Variants in LRP1 observed in about 807,000 individuals in gnomAD.
LRP1 encodes the protein prolow-density lipoprotein receptor-related protein 1.
In LRP1, 51 loss-of-function variants were observed where a neutral mutation model predicts 541.5. The observed-to-expected ratio is 0.09, with a 90% CI of 0.08 to 0.12. The LOEUF (loss-of-function observed/expected upper bound fraction) is 0.12, where lower values mean the gene tolerates loss of function less well. LRP1 is among the 10% of genes least tolerant of loss of function. The pLI, the probability that LRP1 is intolerant of heterozygous loss-of-function variation, is 1.00. For synonymous variants in LRP1, 2,219 were observed against 2,470.8 expected (o/e 0.90, Z 3.02); for missense variants, 3,878 against 6,376.2 (o/e 0.61, Z 13.34).
chr12:57,204,887 G>C lies in LRP1; in HGVS notation c.11194+138G>C. The C allele has an allele frequency of 7.1e-7, 1 of 1,414,994 alleles. No homozygotes were observed. Among genetic ancestry groups the C allele is most frequent in the Non-Finnish European group, 9.5e-7 (1 of 1,050,310 alleles). 87.7% of individuals were successfully genotyped at this position (1,414,994 alleles called of 1,614,324 possible). On this transcript the variant is annotated intron_variant, in intron 72 of 88. Coordinates refer to ENST00000243077, the MANE Select transcript of LRP1 (RefSeq NM_002332.3). The surrounding 1 kb of genome is among the most constrained non-coding windows in gnomAD (Gnocchi z 5.3). Reference sequence around the variant, plus strand: ...GGAAGGGGAGGATCCATTGCTAGGAGCCTGGGGGCTTTTCGTTAGGAAAGA... The same window carrying C: ...GGAAGGGGAGGATCCATTGCTAGGACCCTGGGGGCTTTTCGTTAGGAAAGA...
In LRP1 at chr12:57,154,009, G is replaced by A. The variant is rs2035573183; in HGVS notation, c.842-199G>A. ...CCTTTTCAAGGATGGGCTAGAATTG[G>A]GAAGTCTGTCAGTCAACCAGCCAGC... On this transcript the variant is annotated intron_variant, in intron 6 of 88. Coordinates refer to ENST00000243077, the MANE Select transcript of LRP1 (RefSeq NM_002332.3). This position sits in a 1 kb window ranked among gnomAD's most constrained non-coding sequence, Gnocchi z 4.6. Among the ~76,000 whole-genome samples, 1 of 152,126 alleles carries A rather than the reference G, an allele frequency of 6.6e-6. No homozygotes were observed. The highest frequency in any genetic ancestry group is 1.5e-5 in the Non-Finnish European group (1 of 68,036).
chr12:57,145,920 G>A (rs537509376), intron 6 of LRP1, among the ~76,000 whole-genome samples: 10 of 152,256 alleles, frequency 6.6e-5, no homozygotes, highest in Admixed American at 2.0e-4. Flanking sequence ...CTGTCTCCAT[G>A]GGCCATCGTT....
rs903157023 is a variant in LRP1, at chr12:57,177,319, T to G, written c.4196+74T>G. On this transcript the variant is annotated intron_variant, in intron 25 of 88. Coordinates refer to ENST00000243077, the MANE Select transcript of LRP1 (RefSeq NM_002332.3). The surrounding 1 kb of genome is among the most constrained non-coding windows in gnomAD (Gnocchi z 6.8). ...CCCATTCAGCCTGGCCAGGGACACC[T>G]TACTCCTCAGTGCCATCTGCCTCCT... is the stretch of plus-strand genomic sequence containing the variant. The G allele has an allele frequency of 8.9e-6, 14 of 1,578,240 alleles. No individual in the cohort carries two copies. Among genetic ancestry groups the G allele is most frequent in the Admixed American group, 3.4e-5 (2 of 59,336 alleles).
At chr12:57,203,322 C>A in intron 69 of LRP1, 35 bp downstream of exon 69, 1 of 1,591,252 alleles carries the variant, frequency 6.3e-7, no homozygotes, top group Non-Finnish European at 8.6e-7. Context: ...CAGATGGCCT[C>A]AGAGGAGTTC....
intron 82 of LRP1, 32 bp from the exon 83 acceptor site, chr12:57,210,686 C>A: frequency 6.3e-7 from 1 of 1,591,826 alleles, no homozygotes; most frequent in Non-Finnish European, 8.6e-7. Flanking sequence ...TCTCGAGGGC[C>A]ACAGTCGCGC....
In LRP1 at chr12:57,194,710, A is replaced by C. The variant is rs940337159; in HGVS notation, c.8191+11A>C. The C allele has an allele frequency of 1.6e-5, 25 of 1,541,010 alleles. No homozygotes were observed. The highest frequency in any genetic ancestry group is 2.1e-5 in the Non-Finnish European group (24 of 1,143,802). On this transcript the variant is annotated intron_variant, in intron 50 of 88. Coordinates refer to ENST00000243077, the MANE Select transcript of LRP1 (RefSeq NM_002332.3). Reference sequence around the variant, plus strand: ...ACGAGACCCACTGCAGTGAGTGACCACTGCACCCACTCAGTGCTCCAAGAG... The same window carrying C: ...ACGAGACCCACTGCAGTGAGTGACCCCTGCACCCACTCAGTGCTCCAAGAG...
At position 57,176,115 on chromosome 12, in the gene LRP1, C is replaced by A; in HGVS notation, c.3991+9C>A. On this transcript the variant is annotated intron_variant, in intron 24 of 88. Coordinates refer to ENST00000243077, the MANE Select transcript of LRP1 (RefSeq NM_002332.3). Reference sequence around the variant, plus strand: ...GCTGCTGGACAACGGAGGTGACCACCGATTGCTGCCAGGCAGGATGCACAC... The same window carrying A: ...GCTGCTGGACAACGGAGGTGACCACAGATTGCTGCCAGGCAGGATGCACAC... The A allele has an allele frequency of 6.2e-7, 1 of 1,613,492 alleles. No homozygotes were observed. Among genetic ancestry groups the A allele is most frequent in the Non-Finnish European group, 8.5e-7 (1 of 1,179,970 alleles).
chr12:57,173,279 G>A lies in LRP1; in HGVS notation c.3275G>A (p.Ser1092Asn), dbSNP rs2035980389. The change falls in exon 21 of 89, where the codon AGC becomes AAC. Residue 1092 changes from serine (S) to asparagine (N), a missense_variant. Coordinates refer to ENST00000243077, the MANE Select transcript of LRP1 (RefSeq NM_002332.3). The surrounding 1 kb of genome is among the most constrained non-coding windows in gnomAD (Gnocchi z 4.7). Reference sequence around the variant, plus strand: ...GGGGACACTGACTGCATGGACTCCAGCGATGAGAAGAGCTGTGAGGGAGTG... The same window carrying A: ...GGGGACACTGACTGCATGGACTCCAACGATGAGAAGAGCTGTGAGGGAGTG... ...CDGDTDCMDS[S>N]DEKSCEGVTH... The A allele has an allele frequency of 6.2e-7, 1 of 1,614,016 alleles. No individual in the cohort carries two copies. Among genetic ancestry groups the A allele is most frequent in the African/African-American group, 1.3e-5 (1 of 74,942 alleles).
At chr12:57,131,189 CT>C (rs1212993539) in intron 1 of LRP1, among the ~76,000 whole-genome samples, 1 of 152,166 alleles carries the variant, frequency 6.6e-6, no homozygotes, top group Admixed American at 6.5e-5. Flanking sequence ...CACAGCCTTG[CT>C]GCTTTCTCTC....
At chr12:57,144,708 C>A (rs2035363627) in intron 4 of LRP1, 1 of 501,376 alleles carries the variant, frequency 2.0e-6, no homozygotes, top group African/African-American at 1.9e-5. Context: ...CACTGATGCA[C>A]CCCTGGCACC....
At chr12:57,130,574 C>T (rs935824604) in intron 1 of LRP1, among the ~76,000 whole-genome samples, 6 of 151,930 alleles carry the variant, frequency 3.9e-5, no homozygotes, top group African/African-American at 4.8e-5. Context: ...GAAGGGAAAT[C>T]GAGGCAGGGA....
rs1199362344 is a variant in LRP1 at position 57,203,433 on chromosome 12, G to A, written c.10863G>A (p.Lys3621=). 6.2e-6 allele frequency: 10 copies of A among 1,608,974 alleles called. No homozygotes were observed. Among genetic ancestry groups the A allele is most frequent in the Admixed American group, 1.7e-5 (1 of 59,700 alleles). ...PRCDMDQFQC[K]SGHCIPLRWR... Reference sequence around the variant, plus strand: ...GTGACATGGACCAGTTCCAGTGCAAGAGCGGCCACTGCATCCCCCTGCGCT... The same window carrying A: ...GTGACATGGACCAGTTCCAGTGCAAAAGCGGCCACTGCATCCCCCTGCGCT... Residue 3621 remains lysine, a synonymous_variant, in exon 70 of 89, where the codon AAG becomes AAA. Transcript: ENST00000243077.
Position 57,128,972 on chromosome 12 carries a change from C to T in LRP1, c.8C>T (p.Thr3Ile), listed in dbSNP as rs768221407. 6.4e-7 allele frequency: 1 copy of T among 1,551,010 alleles called. No homozygotes were observed. The highest frequency in any genetic ancestry group is 1.2e-5 in the South Asian group (1 of 83,968). ML[T>I]PPLLLLLPLL... ...CTTGCATCAGCCCACACCATGCTGA[C>T]CCCGCCGTTGCTCCTGCTGCTGCCC... The change falls in exon 1 of 89, where the codon ACC (threonine) becomes ATC (isoleucine). Residue 3 changes from threonine to isoleucine, a missense_variant. Physicochemically the swap from Thr to Ile is moderately conservative, Grantham distance 89. Coordinates refer to ENST00000243077, the MANE Select transcript of LRP1 (RefSeq NM_002332.3).
Position 57,203,266 on chromosome 12 carries a change from C to T in LRP1, c.10797C>T (p.Asp3599=), listed in dbSNP as rs1424453347. The change falls in exon 69 of 89, where the codon GAC becomes GAT. Residue 3599 remains aspartate (D), a synonymous_variant. Transcript: ENST00000243077. ...GCTGGAAATGCGATGGAGACCACGA[C>T]TGCGCGGACGGCTCGGACGAGGTGG... is the stretch of plus-strand genomic sequence containing the variant. ...AGRWKCDGDH[D]CADGSDEKDC... 6.2e-7 allele frequency: 1 copy of T among 1,609,714 alleles called. No homozygotes were observed. The highest frequency in any genetic ancestry group is 8.5e-7 in the Non-Finnish European group (1 of 1,177,434).
Position 57,159,893 on chromosome 12 carries a change from C to T in LRP1, c.1867C>T (p.Pro623Ser). 6.2e-7 allele frequency: 1 copy of T among 1,614,140 alleles called. No individual in the cohort carries two copies. Among genetic ancestry groups the T allele is most frequent in the Non-Finnish European group, 8.5e-7 (1 of 1,180,026 alleles). Residue 623 changes from proline (P) to serine (S), a missense_variant, in exon 12 of 89, where the codon CCC (proline) becomes TCC (serine). Coordinates refer to ENST00000243077, the MANE Select transcript of LRP1 (RefSeq NM_002332.3). ...GDNLYWTDDG[P>S]KKTISVARLE... Reference sequence around the variant, plus strand: ...CAATCTGTACTGGACGGACGATGGGCCCAAAAAGACAATCAGCGTGGCCAG... The same window carrying T: ...CAATCTGTACTGGACGGACGATGGGTCCAAAAAGACAATCAGCGTGGCCAG...
chr12:57,203,172 C>T lies in LRP1; in HGVS notation c.10712-9C>T. The T allele has an allele frequency of 6.4e-7, 1 of 1,563,612 alleles. No individual in the cohort carries two copies. The highest frequency in any genetic ancestry group is 8.7e-7 in the Non-Finnish European group (1 of 1,152,106). ...CCCTCCTGGGCCTGTCTCCCCCTGT[C>T]CTTCCCAGCCCCTCGGCCCTGCTCC... On this transcript the variant is annotated splice_polypyrimidine_tract_variant and intron_variant, in intron 68 of 88. Transcript: ENST00000243077.
intron 19 of LRP1, among the ~76,000 whole-genome samples, chr12:57,167,908 G>T (rs1056267154): frequency 2.6e-5 from 4 of 152,200 alleles, no homozygotes; most frequent in Non-Finnish European, 5.9e-5. Flanking sequence ...CAGGCTCTGG[G>T]CTTCAGGCTC....
rs527694962 is a variant in LRP1, at chr12:57,191,249, G to A, written c.7237-71G>A. The A allele has an allele frequency of 2.7e-4, 397 of 1,450,334 alleles. 4 individuals are homozygous for A. Among genetic ancestry groups the A allele is most frequent in the Non-Finnish European group, 1.0e-5 (11 of 1,065,550 alleles). The allele number at this position is 1,450,334 out of a possible 1,614,324, so 89.8% of individuals were successfully genotyped here. On this transcript the variant is annotated intron_variant, in intron 43 of 88. Coordinates refer to ENST00000243077, the MANE Select transcript of LRP1 (RefSeq NM_002332.3). Reference sequence around the variant, plus strand: ...TCTGTAGCTGTCAGAGGCCAGGCCAGGCTGTGGTCCGGTGGAGACTGGGCA... The same window carrying A: ...TCTGTAGCTGTCAGAGGCCAGGCCAAGCTGTGGTCCGGTGGAGACTGGGCA...
intron 5 of LRP1, 56 bp downstream of exon 5, chr12:57,145,156 C>T (rs1056483741): frequency 1.2e-5 from 20 of 1,613,396 alleles, no homozygotes; most frequent in Non-Finnish European, 1.6e-5. Context: ...ATGCTGTTCC[C>T]TGGTGGGTGG....
Sources: allele counts gnomAD v4.1 joint callset (sites outside exome capture counted in the v4.1 genomes callset), GRCh38; gene constraint gnomAD v4.1.1; non-coding constraint Gnocchi (gnomAD v3.1); transcripts MANE v1.5; gene names NCBI Gene and HGNC (gene_info 2026-07-23, HGNC 2026-07-21).